The following KIAA2012 variants were observed in gnomAD, a reference collection of about 807,000 sequenced individuals.
KIAA2012 encodes KIAA2012, also known as uncharacterized protein KIAA2012.
In KIAA2012, 125 loss-of-function variants were observed where a neutral mutation model predicts 150.6. That is an observed-to-expected ratio of 0.83 (90% CI 0.72 to 0.96). KIAA2012 has a LOEUF of 0.96. KIAA2012 is among the 40% of genes least tolerant of loss of function. The pLI, the probability that KIAA2012 is intolerant of heterozygous loss-of-function variation, is 0.00. For missense variants in KIAA2012, 1,219 were observed against 1,354.9 expected, an observed-to-expected ratio of 0.90 and a Z score of 1.57; for synonymous variants, 462 against 504.7, an observed-to-expected ratio of 0.92 and a Z score of 1.13.
chr2:202,151,391 T>C (rs2105950740), intron 13 of KIAA2012, among the ~76,000 whole-genome samples: 1 of 152,056 alleles, frequency 6.6e-6, no homozygotes, highest in African/African-American at 2.4e-5. Flanking sequence ...AGCAAGACTC[T>C]GTCTCAAAAA....
rs1371315583 is a variant in KIAA2012, at chr2:202,188,190, A to G, written c.2415A>G (p.Lys805=). The change falls in exon 18 of 24, where the codon AAA becomes AAG. Residue 805 remains lysine (K), a synonymous_variant. Transcript: ENST00000498697. ...DLINEAKRKE[K]PKKDKTKGPK... ...TTAACGAGGCCAAGAGAAAGGAAAAACCCAAGAAAGACAAAACCAAAGGAC... is the reference window on the plus strand; with the variant it reads ...TTAACGAGGCCAAGAGAAAGGAAAAGCCCAAGAAAGACAAAACCAAAGGAC... 6.4e-7 allele frequency: 1 copy of G among 1,550,718 alleles called. No individual in the cohort carries two copies. The highest frequency in any genetic ancestry group is 8.7e-7 in the Non-Finnish European group (1 of 1,147,030).
At chr2:202,202,262 A>G (rs1351965141) in intron 22 of KIAA2012, among the ~76,000 whole-genome samples, 167 bp from the exon 23 acceptor site, 3 of 152,306 alleles carry the variant, frequency 2.0e-5, no homozygotes, top group African/African-American at 7.2e-5. Flanking sequence ...CAAACCTTGT[A>G]TGTAAATTTA....
intron 15 of KIAA2012, 121 bp from the exon 16 acceptor site, chr2:202,184,632 T>A: frequency 5.1e-6 from 3 of 585,560 alleles, no homozygotes; most frequent in Non-Finnish European, 8.7e-6. Flanking sequence ...GGGTATAGCA[T>A]ACGTCATTGT....
Position 202,199,869 on chromosome 2 carries a change from T to C in KIAA2012, c.3408-2560T>C, listed in dbSNP as rs114008919. Among the ~76,000 whole-genome samples, 899 of 151,536 alleles carry C rather than the reference T, an allele frequency of 5.9e-3. 6 individuals are homozygous for C. Among genetic ancestry groups the C allele is most frequent in the African/African-American group, 0.02 (825 of 41,266 alleles). The stretch of plus-strand genomic sequence containing the variant: ...TCTGAAAACTCCTCTTAATTTGGCT[T>C]TAAACCATCAATCAGGCTTTTGAAA... On this transcript the variant is annotated intron_variant, in intron 22 of 23. Coordinates refer to ENST00000498697, the MANE Select transcript of KIAA2012 (RefSeq NM_001277372.4).
chr2:202,177,133 A>G (rs1692007696), intron 15 of KIAA2012, among the ~76,000 whole-genome samples: 1 of 152,240 alleles, frequency 6.6e-6, no homozygotes, highest in South Asian at 2.1e-4. Context: ...ATGTATTAAT[A>G]TGGGTTAATC....
chr2:202,193,500 T>C lies in KIAA2012; in HGVS notation c.3011T>C (p.Ile1004Thr). The change falls in exon 20 of 24, where the codon ATC becomes ACC. Residue 1004 changes from isoleucine to threonine, a missense_variant. By Grantham distance (89) the Ile-to-Thr change is moderately conservative. Transcript: ENST00000498697. ...GAGCAGCAGAGACGTACAGAAGAGA[T>C]CCGGTAGGTTGGGCAAGCCAAAGAG... ...ELEQQRRTEE[I>T]RLRKQRLQEE... The C allele has an allele frequency of 1.3e-6, 2 of 1,549,732 alleles. No homozygotes were observed. Among genetic ancestry groups the C allele is most frequent in the Non-Finnish European group, 8.7e-7 (1 of 1,146,836 alleles).
chr2:202,080,536 A>T (rs1490016274), intron 2 of KIAA2012, among the ~76,000 whole-genome samples: 4 of 152,118 alleles, frequency 2.6e-5, no homozygotes, highest in South Asian at 4.2e-4. Flanking sequence ...TCTACTAAAA[A>T]TACAAAAAAA....
intron 11 of KIAA2012, among the ~76,000 whole-genome samples, chr2:202,123,059 T>G (rs1575023891): frequency 6.6e-6 from 1 of 152,130 alleles, no homozygotes; most frequent in South Asian, 2.1e-4. Flanking sequence ...AGTGTGGCTG[T>G]TTTCTGGCTC....
At chr2:202,115,667 TTGAC>T (rs1472301462) in intron 11 of KIAA2012, 1 of 152,056 alleles carries the variant, frequency 6.6e-6, no homozygotes, top group Non-Finnish European at 1.5e-5. Flanking sequence ...AGCTTGTTGA[TTGAC>T]TGAATACTCC....
At chr2:202,145,533 GAC>G (rs1289143957) in intron 13 of KIAA2012, among the ~76,000 whole-genome samples, 4 of 152,050 alleles carry the variant, frequency 2.6e-5, no homozygotes, top group East Asian at 3.8e-4. Flanking sequence ...GGCTGCTAGT[GAC>G]ACATAATATC....
intron 12 of KIAA2012, among the ~76,000 whole-genome samples, chr2:202,129,763 G>A (rs1690883453): frequency 6.6e-6 from 1 of 151,926 alleles, no homozygotes; most frequent in Admixed American, 6.6e-5. Flanking sequence ...TTGAGGCTAG[G>A]ATTCAAGACC....
chr2:202,202,811 T>A (rs866593618), intron 23 of KIAA2012, among the ~76,000 whole-genome samples: 17 of 151,752 alleles, frequency 1.1e-4, no homozygotes, highest in South Asian at 1.0e-3. Context: ...GTGCCTGTAA[T>A]CCCAGCTACT....
chr2:202,108,547 G>A (rs540346264), intron 9 of KIAA2012, among the ~76,000 whole-genome samples: 11 of 152,188 alleles, frequency 7.2e-5, no homozygotes, highest in Non-Finnish European at 4.4e-5. Flanking sequence ...TCATGACATC[G>A]ACATTTTTGA....
At chr2:202,181,271 A>C (rs1475590074) in intron 15 of KIAA2012, among the ~76,000 whole-genome samples, 1 of 152,226 alleles carries the variant, frequency 6.6e-6, no homozygotes, top group African/African-American at 2.4e-5. Context: ...CATCTAGCCT[A>C]AAATCATTTT....
At chr2:202,142,271 G>C in intron 13 of KIAA2012, among the ~76,000 whole-genome samples, 1 of 152,134 alleles carries the variant, frequency 6.6e-6, no homozygotes, top group South Asian at 2.1e-4. Flanking sequence ...ACACAGTCTT[G>C]GTTCAATCCC....
chr2:202,201,593 A>G lies in KIAA2012; in HGVS notation c.3408-836A>G, dbSNP rs1244508050. On this transcript the variant is annotated intron_variant, in intron 22 of 23. Transcript: ENST00000498697. ...CCACCAGCACTGTGGAGCCAGGTGG[A>G]TAGATGGGACCAACTGGATAATAAG... The G allele has an allele frequency of 3.7e-6, 6 of 1,609,880 alleles. No individual in the cohort carries two copies. The South Asian group carries it at 5.5e-5, about 15-fold the overall frequency.
chr2:202,105,829 A>C lies in KIAA2012; in HGVS notation c.1393A>C (p.Lys465Gln). The change falls in exon 9 of 24, where the codon AAG (lysine) becomes CAG (glutamine). Residue 465 changes from lysine to glutamine, a missense_variant. Transcript: ENST00000498697. ...ESTPVWRPPL[K>Q]HASLETPWEL... ...CACACCTGTGTGGAGACCTCCCCTG[A>C]AGCATGCGTCCTTAGAAACACCATG... is the stretch of plus-strand genomic sequence containing the variant. The C allele has an allele frequency of 7.1e-6, 11 of 1,550,730 alleles. No individual in the cohort carries two copies. Among genetic ancestry groups the C allele is most frequent in the Non-Finnish European group, 9.6e-6 (11 of 1,147,020 alleles).
At chr2:202,113,315 A>G (rs759306297) in intron 10 of KIAA2012, 21 bp from the exon 11 acceptor site, 35 of 1,534,886 alleles carry the variant, frequency 2.3e-5, no homozygotes, top group Non-Finnish European at 3.0e-5. Flanking sequence ...GACACTGCCT[A>G]TGCTTGTGCT....
At chr2:202,091,719 T>C (rs1169662245) in intron 3 of KIAA2012, among the ~76,000 whole-genome samples, 1 of 152,236 alleles carries the variant, frequency 6.6e-6, no homozygotes, top group Non-Finnish European at 1.5e-5. Context: ...TGTATTTTAT[T>C]TGGCAAGCCT....
Sources: gnomAD v4.1 joint callset for allele counts (sites outside exome capture counted in the v4.1 genomes callset) on GRCh38, gnomAD v4.1.1 for gene constraint, MANE v1.5 for transcripts, NCBI Gene and HGNC (gene_info 2026-07-23, HGNC 2026-07-21) for gene names.